Variants in GC observed in about 807,000 individuals in gnomAD.
GC encodes the protein vitamin D-binding protein.
Under a neutral mutation model 56.7 loss-of-function variants are expected in GC, and 43 were observed. The ratio of observed to expected loss-of-function variants is 0.76; its 90% confidence interval spans 0.59 to 0.98. The LOEUF is 0.98. GC is among the 50% of genes least tolerant of loss of function. GC has a pLI of 0.00. For missense variants in GC, 529 were observed against 545.9 expected, an observed-to-expected ratio of 0.97 and a Z score of 0.31; for synonymous variants, 216 against 202.7, an observed-to-expected ratio of 1.07 and a Z score of -0.56.
chr4:71,764,700 A>C (rs1031866682), intron 4 of GC, among the ~76,000 whole-genome samples: 1 of 152,172 alleles, frequency 6.6e-6, no homozygotes, highest in Non-Finnish European at 1.5e-5. Flanking sequence ...TCTAAAAGGG[A>C]CTGAAATTCT....
At chr4:71,773,285 G>A (rs16847019) in intron 1 of GC, among the ~76,000 whole-genome samples, 5,607 of 152,098 alleles carry the variant, frequency 0.037, 340 homozygotes, top group African/African-American at 0.13. Flanking sequence ...TTCTGCAATA[G>A]CATGTTTCAC....
intron 8 of GC, among the ~76,000 whole-genome samples, 159 bp from the exon 9 acceptor site, chr4:71,755,266 G>A (rs1431953492): frequency 2.6e-5 from 4 of 151,940 alleles, no homozygotes; most frequent in African/African-American, 4.8e-5. Flanking sequence ...GGGTTCAAGC[G>A]ATTCTCATGC....
At chr4:71,742,167 T>C (rs1045365744) in intron 12 of GC, among the ~76,000 whole-genome samples, 8 of 152,210 alleles carry the variant, frequency 5.3e-5, no homozygotes, top group African/African-American at 1.9e-4. Context: ...TGAATGTGAC[T>C]TTTTGCTCTA....
intron 3 of GC, 138 bp from the exon 4 acceptor site, chr4:71,765,781 A>G: frequency 1.6e-6 from 1 of 619,894 alleles, no homozygotes; most frequent in Non-Finnish European, 2.9e-6. Flanking sequence ...GGCTCCATGA[A>G]GTGATTTTTT....
At chr4:71,747,915 C>A (rs1741427969) in intron 11 of GC, among the ~76,000 whole-genome samples, 1 of 152,100 alleles carries the variant, frequency 6.6e-6, no homozygotes, top group Non-Finnish European at 1.5e-5. Context: ...ATATTACCAA[C>A]CTGGTATCAT....
intron 1 of GC, among the ~76,000 whole-genome samples, chr4:71,777,241 T>G (rs1005647869): frequency 1.3e-5 from 2 of 151,876 alleles, no homozygotes; most frequent in Non-Finnish European, 2.9e-5. Flanking sequence ...GGCTTATTAT[T>G]GGACAATTGT....
intron 1 of GC, among the ~76,000 whole-genome samples, chr4:71,774,150 C>T (rs2149303817): frequency 6.6e-6 from 1 of 152,122 alleles, no homozygotes; most frequent in South Asian, 2.1e-4. Flanking sequence ...CCCAGAGACC[C>T]ACATGACATC....
At chr4:71,762,292 G>A (rs1333903832) in intron 6 of GC, among the ~76,000 whole-genome samples, 1 of 152,160 alleles carries the variant, frequency 6.6e-6, no homozygotes, top group African/African-American at 2.4e-5. Flanking sequence ...GGGGCCTGTA[G>A]CCCCTTTGTT....
At chr4:71,747,636 A>G (rs1240903419) in intron 11 of GC, among the ~76,000 whole-genome samples, 1 of 152,170 alleles carries the variant, frequency 6.6e-6, no homozygotes, top group Non-Finnish European at 1.5e-5. Flanking sequence ...GGTACCATCA[A>G]AAGCCAGACT....
intron 1 of GC, among the ~76,000 whole-genome samples, chr4:71,802,440 G>C (rs1212430601): frequency 6.6e-6 from 1 of 152,172 alleles, no homozygotes; most frequent in East Asian, 1.9e-4. Flanking sequence ...CTTTAGGATA[G>C]CCTAATTAGC....
chr4:71,781,073 A>G (rs896117415), intron 1 of GC, among the ~76,000 whole-genome samples: 2 of 152,142 alleles, frequency 1.3e-5, no homozygotes, highest in African/African-American at 2.4e-5. Context: ...GGATGAGTTC[A>G]TGTCTTTTGC....
chr4:71,779,562 G>A (rs977272743), intron 1 of GC, among the ~76,000 whole-genome samples: 6 of 151,736 alleles, frequency 4.0e-5, no homozygotes, highest in Non-Finnish European at 5.9e-5. Flanking sequence ...GAGAAAAATA[G>A]GAGAGAGAGA....
intron 1 of GC, among the ~76,000 whole-genome samples, chr4:71,782,365 G>T (rs1337436078): frequency 6.6e-6 from 1 of 151,700 alleles, no homozygotes; most frequent in Admixed American, 6.6e-5. Flanking sequence ...TCATGCTCAG[G>T]TATTAGAGAA....
intron 11 of GC, among the ~76,000 whole-genome samples, chr4:71,750,388 T>TA (rs2149293994): frequency 6.6e-6 from 1 of 152,334 alleles, no homozygotes; most frequent in East Asian, 1.9e-4. Context: ...AATGCACCTC[T>TA]AGAAGGAATT....
intron 4 of GC, 68 bp downstream of exon 4, chr4:71,765,364 G>A: frequency 1.6e-6 from 2 of 1,224,242 alleles, no homozygotes; most frequent in South Asian, 2.4e-5. Context: ...CCACAGAGTA[G>A]GGGGTTAGAT....
In GC at chr4:71,752,640, G is replaced by T. The variant is rs137942674; in HGVS notation, c.1273C>A (p.Arg425=). ...GCATCAGGCAATTTTGCTTTTAGTC[G>T]CTCTGCCAGTCTGAAAAACCATTTA... ...FTEYKKKLAE[R]LKAKLPDATP... The change falls in exon 11 of 13, where the codon CGA becomes AGA. Residue 425 remains arginine, a synonymous_variant. Transcript: ENST00000273951. 5.3e-4 allele frequency: 857 copies of T among 1,612,574 alleles called. 2 individuals are homozygous for T. In the African/African-American group the frequency reaches 6.7e-3, roughly 13 times the overall value.
At chr4:71,742,708 C>T (rs1413615251) in intron 12 of GC, among the ~76,000 whole-genome samples, 4 of 152,248 alleles carry the variant, frequency 2.6e-5, no homozygotes, top group Non-Finnish European at 1.5e-5. Context: ...GGCATGGTGG[C>T]TCACGCCTGT....
At chr4:71,744,903 C>T (rs1437806726) in intron 12 of GC, among the ~76,000 whole-genome samples, 1 of 152,160 alleles carries the variant, frequency 6.6e-6, no homozygotes, top group Non-Finnish European at 1.5e-5. Flanking sequence ...CTTCAAATAA[C>T]TTGCATTTTG....
At chr4:71,754,834 C>T (rs971002784) in intron 9 of GC, 144 bp downstream of exon 9, 7 of 595,466 alleles carry the variant, frequency 1.2e-5, no homozygotes, top group Non-Finnish European at 2.0e-5. Flanking sequence ...GCTTTTTTCC[C>T]AACAATGTAA....
Sources: gnomAD v4.1 joint callset for allele counts (sites outside exome capture counted in the v4.1 genomes callset) on GRCh38, gnomAD v4.1.1 for gene constraint, MANE v1.5 for transcripts, NCBI Gene and HGNC (gene_info 2026-07-23, HGNC 2026-07-21) for gene names.